Variants in PDSS2 observed in about 807,000 individuals in gnomAD.
PDSS2 encodes the protein all trans-polyprenyl-diphosphate synthase PDSS2.
A neutral mutation model predicts 44.5 loss-of-function variants in PDSS2; 31 were observed. That is an observed-to-expected ratio of 0.70 (90% CI 0.52 to 0.94). The LOEUF is 0.94. Ranked by LOEUF, PDSS2 falls within the 40% of genes least tolerant of loss-of-function variation. PDSS2 has a pLI of 0.00. For missense variants in PDSS2, 452 were observed against 482.2 expected (o/e 0.94, Z 0.59); for synonymous variants, 157 against 180.3 (o/e 0.87, Z 1.03).
intron 1 of PDSS2, among the ~76,000 whole-genome samples, chr6:107,421,603 C>A (rs1353575311): frequency 6.6e-6 from 1 of 151,904 alleles, no homozygotes; most frequent in Non-Finnish European, 1.5e-5. Flanking sequence ...CTATATGACT[C>A]CATTTCTATA....
At chr6:107,299,738 G>A (rs73762204) in intron 2 of PDSS2, among the ~76,000 whole-genome samples, 2,370 of 152,088 alleles carry the variant, frequency 0.016, 51 homozygotes, top group African/African-American at 0.054. Context: ...CATATGCCCC[G>A]CAACTGCTAT....
At chr6:107,421,807 AAC>A (rs33978698) in intron 1 of PDSS2, among the ~76,000 whole-genome samples, 4,341 of 146,126 alleles carry the variant, frequency 0.03, 150 homozygotes, top group East Asian at 0.12. Context: ...AATTTCACAG[AAC>A]ACACACACAC....
In PDSS2 at chr6:107,277,884, C is replaced by T. The variant is rs562799803; in HGVS notation, c.432-3657G>A. Among the ~76,000 whole-genome samples, 4 of 152,058 alleles carry T rather than the reference C, an allele frequency of 2.6e-5. No individual in the cohort carries two copies. In the South Asian group the frequency reaches 6.2e-4, roughly 24 times the overall value. On this transcript the variant is annotated intron_variant, in intron 2 of 7. Transcript: ENST00000369037. ...AGAGGCAAGGAGAATCACTTGAACCCGGAAGGCAGAGGTTGCAGTTAGCTG... is the reference window on the plus strand; with the variant it reads ...AGAGGCAAGGAGAATCACTTGAACCTGGAAGGCAGAGGTTGCAGTTAGCTG...
At chr6:107,454,882 C>CA (rs1199270782) in intron 1 of PDSS2, among the ~76,000 whole-genome samples, 2 of 152,168 alleles carry the variant, frequency 1.3e-5, no homozygotes, top group Non-Finnish European at 2.9e-5. Context: ...ACCTCTGGAT[C>CA]AAATGCCTGC....
intron 4 of PDSS2, among the ~76,000 whole-genome samples, chr6:107,225,498 C>T (rs184106398): frequency 3.9e-5 from 6 of 151,922 alleles, no homozygotes; most frequent in Non-Finnish European, 5.9e-5. Flanking sequence ...CATGCCATTG[C>T]TTCTACTCTA....
chr6:107,437,323 A>C (rs1447281582), intron 1 of PDSS2, among the ~76,000 whole-genome samples: 1 of 152,064 alleles, frequency 6.6e-6, no homozygotes, highest in Non-Finnish European at 1.5e-5. Flanking sequence ...GGAGTCTAAG[A>C]CCAGCAGCCT....
chr6:107,412,062 A>T (rs571354771), intron 1 of PDSS2, among the ~76,000 whole-genome samples: 177 of 147,486 alleles, frequency 1.2e-3, no homozygotes, highest in African/African-American at 4.2e-3. Flanking sequence ...ATTTTTTTGT[A>T]TTTTTAGTAG....
intron 1 of PDSS2, among the ~76,000 whole-genome samples, chr6:107,413,251 T>C (rs1780558845): frequency 6.6e-6 from 1 of 152,146 alleles, no homozygotes; most frequent in Non-Finnish European, 1.5e-5. Context: ...ATTAAGAACA[T>C]GGTATGAGGG....
At chr6:107,256,328 A>G (rs1775020964) in intron 3 of PDSS2, among the ~76,000 whole-genome samples, 1 of 152,194 alleles carries the variant, frequency 6.6e-6, no homozygotes. Flanking sequence ...TCCTGAAAAC[A>G]AATTGGCTTA....
At chr6:107,178,523 T>G (rs1582743148) in intron 7 of PDSS2, among the ~76,000 whole-genome samples, 1 of 152,322 alleles carries the variant, frequency 6.6e-6, no homozygotes, top group Non-Finnish European at 1.5e-5. Context: ...CAGCTTAAAG[T>G]CACAATAATT....
intron 6 of PDSS2, among the ~76,000 whole-genome samples, chr6:107,208,041 C>T (rs1251394715): frequency 2.2e-4 from 27 of 120,328 alleles, no homozygotes; most frequent in Admixed American, 8.5e-4. Context: ...GGCTGGAGTA[C>T]GGTGGCGCAA....
intron 2 of PDSS2, among the ~76,000 whole-genome samples, chr6:107,319,789 T>G (rs979001479): frequency 2.0e-5 from 3 of 152,200 alleles, no homozygotes; most frequent in African/African-American, 7.2e-5. Flanking sequence ...AAGCCCTAAA[T>G]TGAATTAAAC....
intron 1 of PDSS2, among the ~76,000 whole-genome samples, chr6:107,372,815 T>C (rs1562495206): frequency 6.6e-6 from 1 of 152,108 alleles, no homozygotes; most frequent in Non-Finnish European, 1.5e-5. Flanking sequence ...AAAATGTTGA[T>C]ATTAGGTTCT....
chr6:107,384,172 T>C (rs530396421), intron 1 of PDSS2, among the ~76,000 whole-genome samples: 1 of 152,330 alleles, frequency 6.6e-6, no homozygotes, highest in Non-Finnish European at 1.5e-5. Flanking sequence ...AAATATTCCA[T>C]AATTTCATGT....
At chr6:107,314,698 ACAGT>A (rs1777148378) in intron 2 of PDSS2, among the ~76,000 whole-genome samples, 1 of 152,244 alleles carries the variant, frequency 6.6e-6, no homozygotes, top group Admixed American at 6.5e-5. Context: ...CCCCACAAGC[ACAGT>A]CAAATTAGTA....
At chr6:107,216,128 C>A (rs1338427588) in intron 4 of PDSS2, among the ~76,000 whole-genome samples, 2 of 150,874 alleles carry the variant, frequency 1.3e-5, no homozygotes, top group African/African-American at 4.9e-5. Context: ...CAAAGGGAGA[C>A]CCTGTCCAAA....
chr6:107,268,879 C>A (rs1775495430), intron 3 of PDSS2, among the ~76,000 whole-genome samples: 1 of 151,800 alleles, frequency 6.6e-6, no homozygotes, highest in Non-Finnish European at 1.5e-5. Context: ...ATATTTCAGC[C>A]CAAATATTTT....
intron 1 of PDSS2, among the ~76,000 whole-genome samples, chr6:107,375,584 A>G (rs1354938198): frequency 2.0e-5 from 3 of 152,206 alleles, no homozygotes; most frequent in African/African-American, 7.2e-5. Context: ...GGTGAATTCT[A>G]TCAAATATTT....
At chr6:107,387,201 C>T (rs1255979033) in intron 1 of PDSS2, among the ~76,000 whole-genome samples, 1 of 152,130 alleles carries the variant, frequency 6.6e-6, no homozygotes, top group Non-Finnish European at 1.5e-5. Context: ...TCCTCACCAC[C>T]CGTGAAAAAG....
Sources: allele counts gnomAD v4.1 joint callset (sites outside exome capture counted in the v4.1 genomes callset), GRCh38; gene constraint gnomAD v4.1.1; transcripts MANE v1.5; gene names NCBI Gene and HGNC (gene_info 2026-07-23, HGNC 2026-07-21).